The following TBC1D16 variants were observed in gnomAD, a reference collection of about 807,000 sequenced individuals.
TBC1D16 encodes CTD-2529O21.1.
Under a neutral mutation model 74.7 loss-of-function variants are expected in TBC1D16, and 58 were observed. The observed-to-expected ratio is 0.78, with a 90% CI of 0.63 to 0.97. The LOEUF (loss-of-function observed/expected upper bound fraction) is 0.97. Among genes scored for constraint, TBC1D16 ranks in the 50% least tolerant of loss-of-function variants. The pLI is 0.00. For missense variants in TBC1D16, 1,014 were observed against 1,079.5 expected, an observed-to-expected ratio of 0.94 and a Z score of 0.85; for synonymous variants, 493 against 474.7, an observed-to-expected ratio of 1.04 and a Z score of -0.50.
intron 3 of TBC1D16, among the ~76,000 whole-genome samples, chr17:79,982,729 G>A (rs542649863): frequency 9.4e-4 from 143 of 151,850 alleles, no homozygotes; most frequent in African/African-American, 3.3e-3. Context: ...TGTAACGGCC[G>A]GTGCCTGTAA....
rs972922270 is a variant in TBC1D16 at position 79,994,600 on chromosome 17, T to G, written c.779+15560A>C. Reference sequence around the variant, plus strand: ...CACCACGCCCGGCTAATTTTTGTATTTTTAATAGAGACAGGGTTTCACCAT... The same window carrying G: ...CACCACGCCCGGCTAATTTTTGTATGTTTAATAGAGACAGGGTTTCACCAT... On this transcript the variant is annotated intron_variant, in intron 3 of 11. Coordinates refer to ENST00000310924, the MANE Select transcript of TBC1D16 (RefSeq NM_019020.4). The surrounding 1 kb of genome is among the most constrained non-coding windows in gnomAD (Gnocchi z 4.6). Among the ~76,000 whole-genome samples the G allele has an allele frequency of 3.3e-5, 5 of 152,150 alleles. No individual in the cohort carries two copies. The highest frequency in any genetic ancestry group is 2.0e-4 in the Admixed American group (3 of 15,274).
At chr17:79,965,090 T>G (rs1280366925) in intron 3 of TBC1D16, among the ~76,000 whole-genome samples, 2 of 151,898 alleles carry the variant, frequency 1.3e-5, no homozygotes, top group African/African-American at 2.4e-5. Flanking sequence ...TATTAATTTT[T>G]TTTTGAGGCG....
intron 1 of TBC1D16, among the ~76,000 whole-genome samples, chr17:80,029,729 C>T (rs964063600): frequency 2.0e-5 from 3 of 152,188 alleles, no homozygotes; most frequent in Non-Finnish European, 2.9e-5. Context: ...TCATTCCACG[C>T]GTATGAGCTT....
In TBC1D16 at chr17:79,987,412, A is replaced by G. The variant is rs1177539874; in HGVS notation, c.779+22748T>C. 6.6e-6 allele frequency among the ~76,000 whole-genome samples: 1 copy of G among 151,714 alleles called. No homozygotes were observed. Among genetic ancestry groups the G allele is most frequent in the South Asian group, 2.1e-4 (1 of 4,796 alleles). On this transcript the variant is annotated intron_variant, in intron 3 of 11. Coordinates refer to ENST00000310924, the MANE Select transcript of TBC1D16 (RefSeq NM_019020.4). This position sits in a 1 kb window ranked among gnomAD's most constrained non-coding sequence, Gnocchi z 5.2. ...CAGGTGCACGCCATCACGCCCAGCTAAATTTTTTATTTTTTATAGAGATGG... is the reference window on the plus strand; with the variant it reads ...CAGGTGCACGCCATCACGCCCAGCTGAATTTTTTATTTTTTATAGAGATGG...
intron 1 of TBC1D16, among the ~76,000 whole-genome samples, chr17:80,016,169 G>C (rs532616493): frequency 1.3e-5 from 2 of 152,160 alleles, no homozygotes; most frequent in South Asian, 4.1e-4. Flanking sequence ...AGTCACAAGA[G>C]ACAAGCACTG....
chr17:79,943,162 A>G (rs1005047050), intron 10 of TBC1D16, among the ~76,000 whole-genome samples: 2 of 152,226 alleles, frequency 1.3e-5, no homozygotes, highest in Non-Finnish European at 2.9e-5. Context: ...CCCACGCCCC[A>G]GCCTGCTCCT....
intron 3 of TBC1D16, among the ~76,000 whole-genome samples, chr17:79,989,780 G>T (rs890972756): frequency 6.6e-6 from 1 of 152,232 alleles, no homozygotes; most frequent in Non-Finnish European, 1.5e-5. Context: ...AGTCCCACCA[G>T]AGAACGGTAT....
chr17:79,950,605 G>A lies in TBC1D16; in HGVS notation c.1090-27C>T. 1 of 1,606,656 alleles carries A rather than the reference G, an allele frequency of 6.2e-7. No individual in the cohort carries two copies. The highest frequency in any genetic ancestry group is 8.5e-7 in the Non-Finnish European group (1 of 1,176,604). On this transcript the variant is annotated intron_variant, in intron 5 of 11. Coordinates refer to ENST00000310924, the MANE Select transcript of TBC1D16 (RefSeq NM_019020.4). This position sits in a 1 kb window ranked among gnomAD's most constrained non-coding sequence, Gnocchi z 4.6. ...TGGACGGGAGGAAAACTGGGCAAAGGTCAGGATCTCAGCCGCGCGGCTTCA... is the reference window on the plus strand; with the variant it reads ...TGGACGGGAGGAAAACTGGGCAAAGATCAGGATCTCAGCCGCGCGGCTTCA...
chr17:79,948,820 G>C, intron 8 of TBC1D16, 52 bp downstream of exon 8: 2 of 1,611,928 alleles, frequency 1.2e-6, no homozygotes, highest in Non-Finnish European at 1.7e-6. Context: ...GAGCGGTCAG[G>C]TGAGGCTTGC....
In TBC1D16 at chr17:79,994,108, C is replaced by A. The variant is rs547245816; in HGVS notation, c.779+16052G>T. Among the ~76,000 whole-genome samples the A allele has an allele frequency of 5.5e-4, 84 of 152,234 alleles. No homozygotes were observed. The highest frequency in any genetic ancestry group is 1.9e-3 in the African/African-American group (79 of 41,542). ...GGCACTTATTTCCTCCCTGTCCTGACAGTTTTACTAGAAAGGTCAGCTTTT... is the reference window on the plus strand; with the variant it reads ...GGCACTTATTTCCTCCCTGTCCTGAAAGTTTTACTAGAAAGGTCAGCTTTT... On this transcript the variant is annotated intron_variant, in intron 3 of 11. Transcript: ENST00000310924. The surrounding 1 kb of genome is among the most constrained non-coding windows in gnomAD (Gnocchi z 4.6).
rs559614359 is a variant in TBC1D16, at chr17:80,000,217, C to A, written c.779+9943G>T. On this transcript the variant is annotated intron_variant, in intron 3 of 11. Coordinates refer to ENST00000310924, the MANE Select transcript of TBC1D16 (RefSeq NM_019020.4). The surrounding 1 kb of genome is among the most constrained non-coding windows in gnomAD (Gnocchi z 4.1). ...AGAGCATATGCCGCGGTGAACAGTG[C>A]TCCCCCAAGATTCATGTCCACACAG... 4.1e-4 allele frequency among the ~76,000 whole-genome samples: 63 copies of A among 152,300 alleles called. No homozygotes were observed. The highest frequency in any genetic ancestry group is 8.1e-4 in the Non-Finnish European group (55 of 68,022).
rs11658068 is a variant in TBC1D16, at chr17:79,934,603, T to C, written c.*6256A>G. On this transcript the variant is annotated 3_prime_UTR_variant, in exon 12 of 12. Coordinates refer to ENST00000310924, the MANE Select transcript of TBC1D16 (RefSeq NM_019020.4). ...CATGCCTGGTAGTGGGTGCCCTCCC[T>C]AGGCAGGCAGTGCTGGCTCTGCTCT... The C allele has an allele frequency of 0.16, 24,996 of 152,260 alleles. 2,216 individuals carry two copies. Among genetic ancestry groups the C allele is most frequent in the African/African-American group, 0.24 (9,842 of 41,552 alleles). The allele number at this position is 152,260 out of a possible 1,614,324, so 9.4% of individuals were successfully genotyped here.
Position 80,032,853 on chromosome 17 carries a change from A to G in TBC1D16, c.-63+2942T>C, listed in dbSNP as rs555118618. Among the ~76,000 whole-genome samples, 45 of 152,330 alleles carry G rather than the reference A, an allele frequency of 3.0e-4. No individual in the cohort carries two copies. The South Asian group carries it at 8.5e-3, about 29-fold the overall frequency. On this transcript the variant is annotated intron_variant, in intron 1 of 11. Transcript: ENST00000310924. ...ATGAAACAAAGTAGCTAATCTTACA[A>G]GAGAATTTAGGCCTGTGACAAAAAT...
intron 1 of TBC1D16, among the ~76,000 whole-genome samples, chr17:80,017,541 C>T (rs2036131857): frequency 6.6e-6 from 1 of 151,788 alleles, no homozygotes; most frequent in South Asian, 2.1e-4. Context: ...ATTAGCCGGG[C>T]GTGATGGTGC....
Position 79,975,184 on chromosome 17 carries a change from CTGTTTCATTTTGTTT to C in TBC1D16, c.780-22381_780-22367del, listed in dbSNP as rs1343587324. 1.5e-4 allele frequency among the ~76,000 whole-genome samples: 23 copies of C among 152,252 alleles called. No individual in the cohort carries two copies. Among genetic ancestry groups the C allele is most frequent in the African/African-American group, 5.5e-4 (23 of 41,460 alleles). On this transcript the variant is annotated intron_variant, in intron 3 of 11. Coordinates refer to ENST00000310924, the MANE Select transcript of TBC1D16 (RefSeq NM_019020.4). This position sits in a 1 kb window ranked among gnomAD's most constrained non-coding sequence, Gnocchi z 4.5. ...GCTTTGGATTTTTGGACAGCGAGTT[CTGTTTCATTTTGTTT>C]TGTTTTTCCCTTTGCATTTGGTGAA...
In TBC1D16 at chr17:79,950,264, G is replaced by C. The variant is rs944654766; in HGVS notation, c.1257+147C>G. ...ATTGCTTTATCGGTGTGTTCACAGA[G>C]AGCCTCACACAAGAAAACGGGGCCC... On this transcript the variant is annotated intron_variant, in intron 6 of 11. Transcript: ENST00000310924. This position sits in a 1 kb window ranked among gnomAD's most constrained non-coding sequence, Gnocchi z 4.6. 2.6e-5 allele frequency: 22 copies of C among 835,208 alleles called. No individual in the cohort carries two copies. Among genetic ancestry groups the C allele is most frequent in the Middle Eastern group, 3.7e-4 (1 of 2,710 alleles). 51.7% of individuals were successfully genotyped at this position (835,208 alleles called of 1,614,324 possible).
Position 79,994,249 on chromosome 17 carries a change from C to G in TBC1D16, c.779+15911G>C, listed in dbSNP as rs2035184712. 6.6e-6 allele frequency among the ~76,000 whole-genome samples: 1 copy of G among 151,766 alleles called. No homozygotes were observed. The highest frequency in any genetic ancestry group is 6.6e-5 in the Admixed American group (1 of 15,220). ...GAATCCAGCTCCCTTGGGGGACATA[C>G]CTGGCTGGTGACTTCTAGAATCCCA... On this transcript the variant is annotated intron_variant, in intron 3 of 11. Transcript: ENST00000310924. The surrounding 1 kb of genome is among the most constrained non-coding windows in gnomAD (Gnocchi z 4.6).
rs548519011 is a variant in TBC1D16, at chr17:79,940,847, C to T, written c.*12G>A. ...GGTCCCCTCAACCCCTGTCCGGTGT[C>T]GGGGGCCCGACCTATCTGCGGAAGC... On this transcript the variant is annotated 3_prime_UTR_variant, in exon 12 of 12. Coordinates refer to ENST00000310924, the MANE Select transcript of TBC1D16 (RefSeq NM_019020.4). This position sits in a 1 kb window ranked among gnomAD's most constrained non-coding sequence, Gnocchi z 5.4. 5.2e-5 allele frequency: 79 copies of T among 1,522,468 alleles called. No homozygotes were observed. In the South Asian group the frequency reaches 5.4e-4, roughly 10 times the overall value. 94.3% of individuals were successfully genotyped at this position (1,522,468 alleles called of 1,614,324 possible).
rs2035439184 is a variant in TBC1D16, at chr17:80,000,347, C to T, written c.779+9813G>A. Among the ~76,000 whole-genome samples, 1 of 152,126 alleles carries T rather than the reference C, an allele frequency of 6.6e-6. No individual in the cohort carries two copies. The highest frequency in any genetic ancestry group is 2.4e-5 in the African/African-American group (1 of 41,408). ...GTAGGCCCTATCTAATGACTGGCAT[C>T]CGTATGAGAAGAAGAGAGGGCACAC... is the stretch of plus-strand genomic sequence containing the variant. On this transcript the variant is annotated intron_variant, in intron 3 of 11. Coordinates refer to ENST00000310924, the MANE Select transcript of TBC1D16 (RefSeq NM_019020.4). This position sits in a 1 kb window ranked among gnomAD's most constrained non-coding sequence, Gnocchi z 4.1.
Sources: allele counts gnomAD v4.1 joint callset (sites outside exome capture counted in the v4.1 genomes callset), GRCh38; gene constraint gnomAD v4.1.1; non-coding constraint Gnocchi (gnomAD v3.1); transcripts MANE v1.5; gene names NCBI Gene and HGNC (gene_info 2026-07-23, HGNC 2026-07-21).